Variants in PLXDC2 observed in about 807,000 individuals in gnomAD.
The protein encoded by PLXDC2 is plexin domain containing 2.
A neutral mutation model predicts 68.9 loss-of-function variants in PLXDC2; 40 were observed. The observed-to-expected ratio is 0.58, with a 90% CI of 0.45 to 0.76. The LOEUF (loss-of-function observed/expected upper bound fraction) is 0.76, where lower values mean the gene tolerates loss of function less well. Among genes scored for constraint, PLXDC2 ranks in the 30% least tolerant of loss-of-function variants. PLXDC2 has a pLI of 0.00. For synonymous variants in PLXDC2, 243 were observed against 234.2 expected, an observed-to-expected ratio of 1.04 and a Z score of -0.34; for missense variants, 644 against 661.9, an observed-to-expected ratio of 0.97 and a Z score of 0.30.
intron 6 of PLXDC2, among the ~76,000 whole-genome samples, chr10:20,152,553 A>T (rs1834165694): frequency 6.6e-6 from 1 of 152,140 alleles, no homozygotes; most frequent in South Asian, 2.1e-4. Flanking sequence ...TATTTTTTTA[A>T]AGTTCTTTTT....
intron 1 of PLXDC2, among the ~76,000 whole-genome samples, chr10:19,888,837 TGGAAATCAGGCAA>T (rs1837895924): frequency 1.3e-5 from 2 of 152,010 alleles, no homozygotes; most frequent in African/African-American, 4.8e-5. Flanking sequence ...GGAGATGAGC[TGGAAATCAGGCAA>T]GATGTATTAT....
At chr10:20,180,571 C>T (rs1028219046) in intron 9 of PLXDC2, among the ~76,000 whole-genome samples, 4 of 151,986 alleles carry the variant, frequency 2.6e-5, no homozygotes, top group African/African-American at 7.2e-5. Flanking sequence ...TTTTTTCTCC[C>T]ATAGCTCTTA....
At chr10:19,900,470 G>C (rs1432115199) in intron 1 of PLXDC2, among the ~76,000 whole-genome samples, 2 of 152,006 alleles carry the variant, frequency 1.3e-5, no homozygotes, top group Admixed American at 1.3e-4. Context: ...CTCAACTTTA[G>C]GTGAGGAAAA....
At chr10:20,069,046 T>C (rs1002453399) in intron 4 of PLXDC2, among the ~76,000 whole-genome samples, 1 of 152,124 alleles carries the variant, frequency 6.6e-6, no homozygotes, top group Non-Finnish European at 1.5e-5. Context: ...TCCATAGGTG[T>C]ACAAAGAGGC....
intron 9 of PLXDC2, among the ~76,000 whole-genome samples, chr10:20,200,942 C>T (rs561469163): frequency 6.6e-6 from 1 of 152,122 alleles, no homozygotes; most frequent in East Asian, 1.9e-4. Context: ...GGCATGTAAA[C>T]TGGTACAGCC....
intron 1 of PLXDC2, among the ~76,000 whole-genome samples, chr10:19,913,968 G>A (rs1833321247): frequency 6.6e-6 from 1 of 151,752 alleles, no homozygotes; most frequent in Non-Finnish European, 1.5e-5. Context: ...ACAATGGTAA[G>A]TATTATGCTT....
At chr10:20,206,866 A>G (rs7088254) in intron 9 of PLXDC2, among the ~76,000 whole-genome samples, 1 of 148,224 alleles carries the variant, frequency 6.7e-6, no homozygotes, top group South Asian at 2.1e-4. Context: ...ACACACACAC[A>G]CACACACAGA....
chr10:20,234,667 T>C (rs945087735), intron 12 of PLXDC2, among the ~76,000 whole-genome samples: 34 of 150,400 alleles, frequency 2.3e-4, no homozygotes, highest in East Asian at 5.8e-4. Context: ...TTCTTTCTTT[T>C]TTTTTTTTTT....
intron 2 of PLXDC2, among the ~76,000 whole-genome samples, chr10:20,021,384 C>T (rs559782211): frequency 9.9e-5 from 15 of 152,174 alleles, no homozygotes; most frequent in East Asian, 3.9e-4. Context: ...TTTTCAGCCC[C>T]GCATGCATTA....
chr10:19,987,156 G>A (rs1834655105), intron 1 of PLXDC2, among the ~76,000 whole-genome samples: 1 of 152,164 alleles, frequency 6.6e-6, no homozygotes, highest in Non-Finnish European at 1.5e-5. Context: ...CCATTTGGCT[G>A]GAGAGCCTAG....
intron 1 of PLXDC2, among the ~76,000 whole-genome samples, chr10:19,910,410 ATAC>A (rs2131373567): frequency 6.6e-6 from 1 of 151,890 alleles, no homozygotes; most frequent in South Asian, 2.1e-4. Flanking sequence ...AATAAAGTTG[ATAC>A]TACTATTATA....
chr10:20,281,110 A>G lies in PLXDC2; in HGVS notation c.*1291A>G, dbSNP rs905853511. On this transcript the variant is annotated 3_prime_UTR_variant, in exon 14 of 14. Transcript: ENST00000377252. ...GGTTCAGTTCATTGCCGCGCCCATC[A>G]TGTTCTTGACTATTTGATCCACTTT... The G allele has an allele frequency of 6.6e-6, 1 of 152,044 alleles. No homozygotes were observed. The highest frequency in any genetic ancestry group is 2.4e-5 in the African/African-American group (1 of 41,398). 9.4% of individuals were successfully genotyped at this position (152,044 alleles called of 1,614,324 possible).
rs181177863 is a variant in PLXDC2, at chr10:19,998,188, C to G, written c.113-3587C>G. On this transcript the variant is annotated intron_variant, in intron 1 of 13. Coordinates refer to ENST00000377252, the MANE Select transcript of PLXDC2 (RefSeq NM_032812.9). ...AATTATATCACATATATTCCTTCAT[C>G]TTGCTTCTGAGTAATTTGTTTTGGT... 2.6e-3 allele frequency among the ~76,000 whole-genome samples: 393 copies of G among 152,256 alleles called. 2 individuals carry two copies. The highest frequency in any genetic ancestry group is 9.1e-3 in the African/African-American group (380 of 41,560).
At chr10:20,020,925 A>G (rs1211220163) in intron 2 of PLXDC2, among the ~76,000 whole-genome samples, 1 of 152,230 alleles carries the variant, frequency 6.6e-6, no homozygotes, top group African/African-American at 2.4e-5. Context: ...TGGAAAGGAA[A>G]GGTAGAGGAG....
At chr10:20,146,520 C>CT (rs769963841) in intron 5 of PLXDC2, among the ~76,000 whole-genome samples, 1,550 of 141,820 alleles carry the variant, frequency 0.011, 12 homozygotes, top group Non-Finnish European at 0.016. Flanking sequence ...TCCTTCCTTC[C>CT]TCCCTCCCTC....
chr10:20,122,755 C>G (rs1026071946), intron 4 of PLXDC2, among the ~76,000 whole-genome samples: 4 of 152,008 alleles, frequency 2.6e-5, no homozygotes, highest in African/African-American at 9.7e-5. Context: ...CTTTTTTCTA[C>G]TATTGTACAC....
chr10:20,102,361 G>A (rs12251018), intron 4 of PLXDC2, among the ~76,000 whole-genome samples: 7,678 of 151,870 alleles, frequency 0.051, 276 homozygotes, highest in African/African-American at 0.095. Context: ...TCTGTCTGAG[G>A]GTAAAAAGAA....
intron 1 of PLXDC2, among the ~76,000 whole-genome samples, chr10:19,958,676 A>T (rs7086159): frequency 0.35 from 52,545 of 151,948 alleles, 10,134 homozygotes; most frequent in East Asian, 0.59. Context: ...TCTGCCTTTT[A>T]TCCCCCTCAG....
At position 19,845,885 on chromosome 10, in the gene PLXDC2, G is replaced by A. The variant is rs575405978; in HGVS notation, c.112+28694G>A. 3.3e-5 allele frequency among the ~76,000 whole-genome samples: 5 copies of A among 152,244 alleles called. No homozygotes were observed. In the East Asian group the frequency reaches 9.7e-4, roughly 29 times the overall value. On this transcript the variant is annotated intron_variant, in intron 1 of 13. Transcript: ENST00000377252. The stretch of plus-strand genomic sequence containing the variant: ...TACCATAGTAATGGTAAATTGGCAT[G>A]CCATACTAGTGGGCCTGATTTAAAG...
Sources: gnomAD v4.1 joint callset for allele counts (sites outside exome capture counted in the v4.1 genomes callset) on GRCh38, gnomAD v4.1.1 for gene constraint, MANE v1.5 for transcripts, NCBI Gene and HGNC (gene_info 2026-07-23, HGNC 2026-07-21) for gene names.